TMCC1: variants seen among roughly 807,000 people sequenced by gnomAD.
TMCC1 encodes the protein transmembrane and coiled-coil domain family 1.
In TMCC1, 15 loss-of-function variants were observed where a neutral mutation model predicts 52.4. The observed-to-expected ratio is 0.29, with a 90% CI of 0.19 to 0.44. The LOEUF is 0.44. Among genes scored for constraint, TMCC1 ranks in the 20% least tolerant of loss-of-function variants. The probability of loss-of-function intolerance (pLI) is 1.00; values close to 1 mark genes in which losing one functional copy is unlikely to be tolerated. For missense variants in TMCC1, 503 were observed against 806.0 expected (o/e 0.62, Z 4.55); for synonymous variants, 279 against 301.9 (o/e 0.92, Z 0.79).
chr3:129,710,568 C>T (rs2048598117), intron 4 of TMCC1, among the ~76,000 whole-genome samples: 1 of 152,156 alleles, frequency 6.6e-6, no homozygotes. Flanking sequence ...CTCAGATATT[C>T]TAAATCCAAG....
intron 4 of TMCC1, among the ~76,000 whole-genome samples, chr3:129,760,434 GTT>G (rs1307811598): frequency 0.018 from 2,168 of 122,902 alleles, 122 homozygotes; most frequent in East Asian, 0.11. Flanking sequence ...GTGTGTGTGT[GTT>G]TTTGAGACAG....
chr3:129,800,045 T>C lies in TMCC1; in HGVS notation c.576+27758A>G, dbSNP rs570499096. On this transcript the variant is annotated intron_variant, in intron 4 of 6. Transcript: ENST00000393238. ...AATGTCTTCACTGCTGTTTCCCCAA[T>C]AGGTAACTGTAACTGACTTCTATCA... Among the ~76,000 whole-genome samples the C allele has an allele frequency of 4.6e-5, 7 of 152,310 alleles. No homozygotes were observed. The South Asian group carries it at 1.5e-3, about 32-fold the overall frequency.
At chr3:129,888,489 A>T (rs570317389) in intron 1 of TMCC1, among the ~76,000 whole-genome samples, 1 of 152,344 alleles carries the variant, frequency 6.6e-6, no homozygotes, top group African/African-American at 2.4e-5. Flanking sequence ...TTGAGAAATG[A>T]CTGATTACAG....
intron 4 of TMCC1, among the ~76,000 whole-genome samples, chr3:129,672,083 T>A (rs1274587232): frequency 6.6e-6 from 1 of 152,210 alleles, no homozygotes; most frequent in African/African-American, 2.4e-5. Context: ...CCAAAGCACG[T>A]ATACTTAATC....
chr3:129,770,973 A>G (rs1031968761), intron 4 of TMCC1, among the ~76,000 whole-genome samples: 9 of 152,236 alleles, frequency 5.9e-5, no homozygotes, highest in Non-Finnish European at 1.3e-4. Context: ...AGACTGGTCA[A>G]ATCAATTAAG....
At chr3:129,807,004 T>A (rs2057504723) in intron 4 of TMCC1, among the ~76,000 whole-genome samples, 2 of 152,104 alleles carry the variant, frequency 1.3e-5, no homozygotes, top group Non-Finnish European at 1.5e-5. Flanking sequence ...ATAAATAATA[T>A]GAATACAGCT....
chr3:129,826,665 A>C (rs1000332574), intron 4 of TMCC1, among the ~76,000 whole-genome samples: 1 of 152,118 alleles, frequency 6.6e-6, no homozygotes, highest in Non-Finnish European at 1.5e-5. Flanking sequence ...GAAAGGTTTA[A>C]AGTTCTAGAC....
At chr3:129,793,298 GA>G (rs1195833667) in intron 4 of TMCC1, among the ~76,000 whole-genome samples, 1 of 152,126 alleles carries the variant, frequency 6.6e-6, no homozygotes, top group Non-Finnish European at 1.5e-5. Context: ...CACAGGGATG[GA>G]AGCAAGCACT....
At chr3:129,780,587 T>G (rs1002195891) in intron 4 of TMCC1, among the ~76,000 whole-genome samples, 1 of 152,100 alleles carries the variant, frequency 6.6e-6, no homozygotes, top group Non-Finnish European at 1.5e-5. Context: ...ATACCCAAAC[T>G]TGAATTTACA....
At chr3:129,667,462 GT>G (rs1243714099) in intron 5 of TMCC1, among the ~76,000 whole-genome samples, 1 of 152,068 alleles carries the variant, frequency 6.6e-6, no homozygotes, top group Non-Finnish European at 1.5e-5. Context: ...TCAAGATTGT[GT>G]TTTAAGGAAA....
At chr3:129,759,461 T>C (rs1184434866) in intron 4 of TMCC1, among the ~76,000 whole-genome samples, 1 of 151,696 alleles carries the variant, frequency 6.6e-6, no homozygotes, top group Non-Finnish European at 1.5e-5. Context: ...AGAGATGGGG[T>C]TTCACCATGT....
At chr3:129,708,335 C>G (rs1333739595) in intron 4 of TMCC1, among the ~76,000 whole-genome samples, 1 of 152,150 alleles carries the variant, frequency 6.6e-6, no homozygotes, top group East Asian at 1.9e-4. Context: ...CATCCTAATT[C>G]TTAAAATGTA....
intron 4 of TMCC1, among the ~76,000 whole-genome samples, chr3:129,784,074 G>C (rs2055766623): frequency 6.6e-6 from 1 of 152,144 alleles, no homozygotes; most frequent in South Asian, 2.1e-4. Flanking sequence ...GGGTGAAGAC[G>C]GCAGTGGTAG....
At position 129,794,248 on chromosome 3, in the gene TMCC1, A is replaced by G. The variant is rs1427659269; in HGVS notation, c.576+33555T>C. On this transcript the variant is annotated intron_variant, in intron 4 of 6. Transcript: ENST00000393238. ...TGGAGGACGGCAGGCTTGACAGAAC[A>G]GTTCCAGAGAAAAAGGAACCATGCT... The G allele has an allele frequency of 2.4e-5, 11 of 454,088 alleles. 1 individual carries two copies. The highest frequency in any genetic ancestry group is 3.1e-5 in the Non-Finnish European group (7 of 226,368). The allele number at this position is 454,088 out of a possible 1,614,324, so 28.1% of individuals were successfully genotyped here. A position where few individuals can be genotyped will look rare whatever the true frequency, so the allele number is the denominator to read the frequency against.
At chr3:129,882,936 T>C (rs2061525773) in intron 1 of TMCC1, among the ~76,000 whole-genome samples, 2 of 152,252 alleles carry the variant, frequency 1.3e-5, no homozygotes, top group African/African-American at 2.4e-5. Context: ...AGATGGATGA[T>C]AGTGATGGTT....
chr3:129,832,400 G>A (rs2058962595), intron 3 of TMCC1, among the ~76,000 whole-genome samples: 1 of 152,068 alleles, frequency 6.6e-6, no homozygotes, highest in Non-Finnish European at 1.5e-5. Flanking sequence ...GTGAGGAAGG[G>A]GGACAAAAAA....
chr3:129,805,789 T>C (rs1329708059), intron 4 of TMCC1, among the ~76,000 whole-genome samples: 9 of 151,382 alleles, frequency 5.9e-5, no homozygotes, highest in Admixed American at 5.9e-4. Context: ...ATAAAAATAA[T>C]AGCTGGGTGT....
intron 4 of TMCC1, among the ~76,000 whole-genome samples, chr3:129,794,672 C>G (rs1323064095): frequency 1.3e-5 from 2 of 152,006 alleles, no homozygotes; most frequent in Non-Finnish European, 2.9e-5. Context: ...CCCTTTCCAC[C>G]AGACCAGTAG....
chr3:129,669,793 C>T (rs1389432993), intron 5 of TMCC1, among the ~76,000 whole-genome samples: 2 of 152,218 alleles, frequency 1.3e-5, no homozygotes, highest in African/African-American at 4.8e-5. Flanking sequence ...ATTCAAAGCA[C>T]TTAACCCTTT....
Sources: allele counts gnomAD v4.1 joint callset (sites outside exome capture counted in the v4.1 genomes callset), GRCh38; gene constraint gnomAD v4.1.1; transcripts MANE v1.5; gene names NCBI Gene and HGNC (gene_info 2026-07-23, HGNC 2026-07-21).